Variants in SPHKAP observed in about 807,000 individuals in gnomAD.
The protein encoded by SPHKAP is SPHK1 interactor, AKAP domain containing.
A neutral mutation model predicts 137.5 loss-of-function variants in SPHKAP; 67 were observed. The ratio of observed to expected loss-of-function variants is 0.49; its 90% CI spans 0.40 to 0.60. The LOEUF (loss-of-function observed/expected upper bound fraction) is 0.60, where lower values mean the gene tolerates loss of function less well. Ranked by LOEUF, SPHKAP falls within the 20% of genes least tolerant of loss-of-function variation. The pLI, the probability that SPHKAP is intolerant of heterozygous loss-of-function variation, is 0.00. For missense variants in SPHKAP, 2,097 were observed against 2,069.3 expected (o/e 1.01, Z -0.26); for synonymous variants, 813 against 785.3 (o/e 1.04, Z -0.59).
chr2:228,021,624 G>A (rs184014296), intron 6 of SPHKAP, 87 bp downstream of exon 6: 5 of 1,481,238 alleles, frequency 3.4e-6, no homozygotes, highest in African/African-American at 2.8e-5. Flanking sequence ...CAGCCAAACT[G>A]ATGTGGCCTG....
intron 3 of SPHKAP, among the ~76,000 whole-genome samples, chr2:228,045,630 G>A (rs1696015744): frequency 1.3e-5 from 2 of 151,928 alleles, no homozygotes; most frequent in African/African-American, 4.8e-5. Context: ...GATAGCATTA[G>A]GAGATATACC....
chr2:228,075,838 G>A (rs1026020039), intron 3 of SPHKAP, among the ~76,000 whole-genome samples: 3 of 152,130 alleles, frequency 2.0e-5, no homozygotes, highest in African/African-American at 7.2e-5. Context: ...ATACAAAATT[G>A]TTATGAAAAG....
Position 228,115,738 on chromosome 2 carries a change from T to C in SPHKAP, c.139-6799A>G, listed in dbSNP as rs75734562. On this transcript the variant is annotated intron_variant, in intron 2 of 11. Coordinates refer to ENST00000392056, the MANE Select transcript of SPHKAP (RefSeq NM_001142644.2). ...ACACTTAATTACACACTGTGGTGGG[T>C]ATCATGAAGAAATAAACATAGTGCA... Among the ~76,000 whole-genome samples the C allele has an allele frequency of 3.4e-4, 51 of 152,170 alleles. No individual in the cohort carries two copies. In the East Asian group the frequency reaches 9.7e-3, roughly 29 times the overall value.
intron 3 of SPHKAP, chr2:228,027,914 C>T (rs1410773654): frequency 3.6e-5 from 25 of 700,122 alleles, no homozygotes; most frequent in Admixed American, 1.4e-4. Flanking sequence ...TGCAGTGAGC[C>T]GAGGTCATGC....
chr2:228,077,612 G>C (rs922364558), intron 3 of SPHKAP, among the ~76,000 whole-genome samples: 1 of 152,212 alleles, frequency 6.6e-6, no homozygotes, highest in African/African-American at 2.4e-5. Flanking sequence ...CCCAGTGGCT[G>C]TACCCTCATT....
intron 1 of SPHKAP, among the ~76,000 whole-genome samples, chr2:228,153,215 A>T (rs12615115): frequency 6.6e-6 from 1 of 151,908 alleles, no homozygotes; most frequent in Admixed American, 6.6e-5. Flanking sequence ...CACCCTCCTA[A>T]CTTACATTAT....
intron 3 of SPHKAP, among the ~76,000 whole-genome samples, chr2:228,049,886 T>A (rs1182299636): frequency 6.6e-6 from 1 of 152,076 alleles, no homozygotes; most frequent in Non-Finnish European, 1.5e-5. Context: ...ATTTTCTTTA[T>A]CCAGGGTAAA....
chr2:228,069,200 G>A (rs1696927567), intron 3 of SPHKAP, among the ~76,000 whole-genome samples: 1 of 152,134 alleles, frequency 6.6e-6, no homozygotes. Flanking sequence ...CTGGGAGGCG[G>A]AGGTTTCTGT....
intron 3 of SPHKAP, among the ~76,000 whole-genome samples, chr2:228,055,593 T>C (rs1400413783): frequency 6.6e-6 from 1 of 152,140 alleles, no homozygotes; most frequent in Non-Finnish European, 1.5e-5. Context: ...ATAGAAAGTA[T>C]TAACAGTGAT....
intron 2 of SPHKAP, among the ~76,000 whole-genome samples, chr2:228,127,776 G>C (rs369101476): frequency 6.6e-6 from 1 of 152,090 alleles, no homozygotes; most frequent in Non-Finnish European, 1.5e-5. Context: ...CAGAGATATT[G>C]TGGATTCAGT....
At position 227,980,533 on chromosome 2, in the gene SPHKAP, ATTAGATACC is replaced by A. The variant is rs1276888697; in HGVS notation, c.*1175_*1183del. The A allele has an allele frequency of 1.3e-5, 2 of 152,246 alleles. No homozygotes were observed. The highest frequency in any genetic ancestry group is 2.9e-5 in the Non-Finnish European group (2 of 68,038). The allele number at this position is 152,246 out of a possible 1,614,324, so 9.4% of individuals were successfully genotyped here. A position where few individuals can be genotyped will look rare whatever the true frequency, so the allele number is the denominator to read the frequency against. On this transcript the variant is annotated 3_prime_UTR_variant, in exon 12 of 12. Transcript: ENST00000392056. ...AGGAAAGAAGACTTATTAGGGAGAC[ATTAGATACC>A]TTTATTTTTCAAAAGAGTAAATCTC...
chr2:228,073,110 G>A (rs540871390), intron 3 of SPHKAP, among the ~76,000 whole-genome samples: 1 of 152,324 alleles, frequency 6.6e-6, no homozygotes, highest in South Asian at 2.1e-4. Flanking sequence ...TCTAGTCAAA[G>A]CAGTTTATTT....
intron 2 of SPHKAP, among the ~76,000 whole-genome samples, chr2:228,120,787 T>C (rs4482477): frequency 0.34 from 51,748 of 151,812 alleles, 9,045 homozygotes; most frequent in East Asian, 0.5. Context: ...GCTTTATCCA[T>C]ACGAATGCAG....
At chr2:228,180,177 CT>C (rs1700859201) in intron 1 of SPHKAP, among the ~76,000 whole-genome samples, 1 of 152,148 alleles carries the variant, frequency 6.6e-6, no homozygotes, top group Admixed American at 6.5e-5. Flanking sequence ...TGAGACTTCA[CT>C]TAAGAGCTGC....
chr2:228,083,855 T>C (rs879048434), intron 3 of SPHKAP, among the ~76,000 whole-genome samples: 1 of 151,962 alleles, frequency 6.6e-6, no homozygotes, highest in African/African-American at 2.4e-5. Context: ...CACCACATGT[T>C]CTCACTCATA....
chr2:227,992,825 T>C (rs1693464680), intron 9 of SPHKAP, among the ~76,000 whole-genome samples: 1 of 152,222 alleles, frequency 6.6e-6, no homozygotes, highest in Non-Finnish European at 1.5e-5. Flanking sequence ...TTATTTATCA[T>C]TGCTCTGAAA....
intron 1 of SPHKAP, among the ~76,000 whole-genome samples, chr2:228,171,839 A>G (rs1574918097): frequency 6.6e-6 from 1 of 152,066 alleles, no homozygotes; most frequent in Non-Finnish European, 1.5e-5. Context: ...TTGACTGACA[A>G]TTGACTCTTG....
chr2:228,157,059 G>A (rs1340842967), intron 1 of SPHKAP, among the ~76,000 whole-genome samples: 3 of 152,042 alleles, frequency 2.0e-5, no homozygotes, highest in East Asian at 3.9e-4. Context: ...CCCTACCTTC[G>A]TGGAGTTTAT....
intron 3 of SPHKAP, among the ~76,000 whole-genome samples, chr2:228,044,312 C>G (rs996478882): frequency 1.3e-5 from 2 of 152,132 alleles, no homozygotes; most frequent in Non-Finnish European, 2.9e-5. Flanking sequence ...AGGATTTAGT[C>G]CTAAAATATA....
Sources: gnomAD v4.1 joint callset for allele counts (sites outside exome capture counted in the v4.1 genomes callset) on GRCh38, gnomAD v4.1.1 for gene constraint, MANE v1.5 for transcripts, NCBI Gene and HGNC (gene_info 2026-07-23, HGNC 2026-07-21) for gene names.